NFXL1: variants seen among roughly 807,000 people sequenced by gnomAD.
The protein encoded by NFXL1 is NF-X1-type zinc finger protein NFXL1.
In NFXL1, 66 loss-of-function variants were observed where a neutral mutation model predicts 123.3. The observed-to-expected ratio is 0.54, with a 90% CI of 0.44 to 0.66. NFXL1 has a LOEUF of 0.66. Among genes scored for constraint, NFXL1 ranks in the 30% least tolerant of loss-of-function variants. The pLI is 0.00. For missense variants in NFXL1, 944 were observed against 1,125.6 expected, an observed-to-expected ratio of 0.84 and a Z score of 2.31; for synonymous variants, 346 against 360.8, an observed-to-expected ratio of 0.96 and a Z score of 0.46.
intron 18 of NFXL1, among the ~76,000 whole-genome samples, chr4:47,872,542 A>C (rs2110062140): frequency 6.6e-6 from 1 of 152,264 alleles, no homozygotes; most frequent in Middle Eastern, 3.4e-3. Context: ...GTTCAGTTCC[A>C]GACCACCTTA....
Position 47,848,157 on chromosome 4 carries a change from CT to C in NFXL1, c.*5del, listed in dbSNP as rs1296201782. 1.5e-5 allele frequency: 23 copies of C among 1,541,254 alleles called. No individual in the cohort carries two copies. Among genetic ancestry groups the C allele is most frequent in the Non-Finnish European group, 1.8e-5 (20 of 1,138,982 alleles). On this transcript the variant is annotated 3_prime_UTR_variant, in exon 23 of 23. Coordinates refer to ENST00000507489, the MANE Select transcript of NFXL1 (RefSeq NM_001278624.2). ...TCTGAGTTACATTAAAAGATCAAAACTTTTTTTAATTGACATCATGGGTGAT... is the reference window on the plus strand; with the variant it reads ...TCTGAGTTACATTAAAAGATCAAAACTTTTTTAATTGACATCATGGGTGAT...
intron 2 of NFXL1, 34 bp downstream of exon 2, chr4:47,913,935 T>C: frequency 6.8e-7 from 1 of 1,479,608 alleles, no homozygotes; most frequent in Non-Finnish European, 9.2e-7. Flanking sequence ...TTAGGAGGCA[T>C]CCAGGTGAGC....
chr4:47,852,674 T>C (rs1175413185), intron 20 of NFXL1, among the ~76,000 whole-genome samples: 4 of 152,228 alleles, frequency 2.6e-5, no homozygotes, highest in African/African-American at 9.6e-5. Context: ...ATGACCAATT[T>C]CTGTACTACG....
intron 11 of NFXL1, among the ~76,000 whole-genome samples, chr4:47,893,399 GA>G (rs1170072140): frequency 1.3e-5 from 2 of 152,002 alleles, no homozygotes; most frequent in East Asian, 3.8e-4. Context: ...AGGAACACCA[GA>G]AACAAACTGC....
intron 10 of NFXL1, among the ~76,000 whole-genome samples, chr4:47,895,887 T>C (rs1267469911): frequency 6.6e-6 from 1 of 152,228 alleles, no homozygotes; most frequent in Non-Finnish European, 1.5e-5. Flanking sequence ...CTCTAGCTTT[T>C]GATTTAAATG....
intron 21 of NFXL1, 45 bp from the exon 22 acceptor site, chr4:47,851,193 A>G (rs1310459106): frequency 4.3e-6 from 6 of 1,409,490 alleles, no homozygotes; most frequent in Admixed American, 1.7e-5. Context: ...TAGTCATCAC[A>G]TTTTATATGG....
rs2110081066 is a variant in NFXL1 at position 47,886,143 on chromosome 4, C to T, written c.1544-144G>A. 5 of 709,254 alleles carry T rather than the reference C, an allele frequency of 7.0e-6. No individual in the cohort carries two copies. The East Asian group carries it at 1.1e-4, about 15-fold the overall frequency. The allele number at this position is 709,254 out of a possible 1,614,324, so 43.9% of individuals were successfully genotyped here. Reference sequence around the variant, plus strand: ...ACTACAACAACATGAATGAATCTTACCACAAAACATTGAGCCAGACACAAG... The same window carrying T: ...ACTACAACAACATGAATGAATCTTATCACAAAACATTGAGCCAGACACAAG... On this transcript the variant is annotated intron_variant, in intron 12 of 22. Transcript: ENST00000507489.
Position 47,897,956 on chromosome 4 carries a change from A to G in NFXL1, c.1204+11T>C. ...ATTTCCTATATAAATATAAAAAAAA[A>G]CAAGTCTTACTTGATTTCTGACATG... On this transcript the variant is annotated intron_variant, in intron 9 of 22. Transcript: ENST00000507489. 6.6e-7 allele frequency: 1 copy of G among 1,504,176 alleles called. No homozygotes were observed. Among genetic ancestry groups the G allele is most frequent in the Non-Finnish European group, 9.1e-7 (1 of 1,100,344 alleles). 93.2% of individuals were successfully genotyped at this position (1,504,176 alleles called of 1,614,324 possible).
At chr4:47,863,287 A>C (rs1184568824) in intron 18 of NFXL1, among the ~76,000 whole-genome samples, 1 of 152,202 alleles carries the variant, frequency 6.6e-6, no homozygotes, top group Non-Finnish European at 1.5e-5. Flanking sequence ...AAAATTTAAA[A>C]CTAATTATTT....
At chr4:47,908,677 C>T (rs115276692) in intron 3 of NFXL1, among the ~76,000 whole-genome samples, 4,262 of 152,038 alleles carry the variant, frequency 0.028, 214 homozygotes, top group African/African-American at 0.098. Flanking sequence ...AATTTTTGGC[C>T]TGGCGCAATG....
At position 47,899,548 on chromosome 4, in the gene NFXL1, A is replaced by G; in HGVS notation, c.648T>C (p.Cys216=). Residue 216 remains cysteine (C), a splice_region_variant and synonymous_variant, in exon 6 of 23, where the codon TGT becomes TGC. Transcript: ENST00000507489. ...DFGKKDCPWP[C]PKCRFEYKRS... ...GTTTGTATTCAAACCTACATTTTGG[A>G]CTACAAAGAAGAAGAAAATTATTAA... 6.3e-7 allele frequency: 1 copy of G among 1,599,692 alleles called. No individual in the cohort carries two copies. The highest frequency in any genetic ancestry group is 8.6e-7 in the Non-Finnish European group (1 of 1,168,532).
At chr4:47,861,658 A>C (rs972109338) in intron 19 of NFXL1, among the ~76,000 whole-genome samples, 2 of 152,198 alleles carry the variant, frequency 1.3e-5, no homozygotes, top group Admixed American at 1.3e-4. Flanking sequence ...CAGGATTTGA[A>C]TAATTCAAAA....
intron 12 of NFXL1, 56 bp downstream of exon 12, chr4:47,890,557 A>C: frequency 1.0e-6 from 1 of 952,630 alleles, no homozygotes; most frequent in Admixed American, 2.0e-5. Context: ...TGACAATGAA[A>C]AAAAAAACCA....
chr4:47,891,936 C>CA (rs545929490), intron 11 of NFXL1, among the ~76,000 whole-genome samples: 1,713 of 117,536 alleles, frequency 0.015, 8 homozygotes, highest in South Asian at 0.035. Context: ...GACTCCGTCT[C>CA]AAAAAAAAAA....
At chr4:47,908,916 C>G (rs1323428525) in intron 3 of NFXL1, among the ~76,000 whole-genome samples, 4 of 138,142 alleles carry the variant, frequency 2.9e-5, no homozygotes, top group African/African-American at 8.0e-5. Context: ...GATTGCGCCA[C>G]TGCACTCCAG....
intron 18 of NFXL1, among the ~76,000 whole-genome samples, chr4:47,869,147 C>A (rs146075519): frequency 0.026 from 3,884 of 152,214 alleles, 161 homozygotes; most frequent in African/African-American, 0.087. Context: ...ATCACTTGAG[C>A]CCAGGAGTTC....
Position 47,910,906 on chromosome 4 carries a change from T to A in NFXL1, c.324A>T (p.Ser108=). Residue 108 remains serine (S), a synonymous_variant, in exon 3 of 23, where the codon TCA becomes TCT. Transcript: ENST00000507489. ...CAAAATCTTCATCTCCTTCTTCAGA[T>A]GAAGAGCTAAACTGTTCTTCAACAA... The part of the protein sequence containing the change: ...RKLVEEQFSS[S]SEEGDEDFEG... 6.2e-7 allele frequency: 1 copy of A among 1,604,760 alleles called. No individual in the cohort carries two copies. The highest frequency in any genetic ancestry group is 8.5e-7 in the Non-Finnish European group (1 of 1,175,790).
intron 18 of NFXL1, 66 bp from the exon 19 acceptor site, chr4:47,862,981 T>C (rs1734850642): frequency 1.2e-6 from 1 of 825,472 alleles, no homozygotes; most frequent in Non-Finnish European, 2.0e-6. Flanking sequence ...TTTCTAAAAA[T>C]AACTCATAAT....
intron 19 of NFXL1, among the ~76,000 whole-genome samples, chr4:47,862,048 C>T (rs1263118924): frequency 1.3e-5 from 2 of 152,032 alleles, no homozygotes; most frequent in Non-Finnish European, 2.9e-5. Context: ...AAATGTCTAC[C>T]CAAATCAAGT....
Sources: allele counts gnomAD v4.1 joint callset (sites outside exome capture counted in the v4.1 genomes callset), GRCh38; gene constraint gnomAD v4.1.1; transcripts MANE v1.5; gene names NCBI Gene and HGNC (gene_info 2026-07-23, HGNC 2026-07-21).